FEM1C: variants seen among roughly 807,000 people sequenced by gnomAD.
The protein encoded by FEM1C is protein fem-1 homolog C.
FEM1C carries 15 observed loss-of-function variants against 37.6 expected under a neutral mutation model. The observed-to-expected ratio is 0.40, with a 90% CI of 0.27 to 0.61. The LOEUF is 0.61. FEM1C is among the 20% of genes least tolerant of loss of function. The pLI is 0.42. For synonymous variants in FEM1C, 287 were observed against 272.8 expected (o/e 1.05, Z -0.51); for missense variants, 532 against 749.7 (o/e 0.71, Z 3.39).
intron 1 of FEM1C, among the ~76,000 whole-genome samples, chr5:115,544,301 C>T (rs1180300244): frequency 6.6e-6 from 1 of 151,734 alleles, no homozygotes; most frequent in Non-Finnish European, 1.5e-5. Context: ...TTCCTCAAAC[C>T]ACAGTCGCCC....
chr5:115,524,847 T>A lies in FEM1C; in HGVS notation c.1315A>T (p.Asn439Tyr). Residue 439 changes from asparagine to tyrosine, a missense_variant, in exon 3 of 3, where the codon AAT becomes TAT. Around this residue, in one of 3 missense-constraint regions of FEM1C, gnomAD observed 237 missense variants for 260.5 expected, o/e 0.91. Transcript: ENST00000274457. ...TQCPADPLQLNKALSIILHLI... is the reference protein window; with the variant it reads ...TQCPADPLQLYKALSIILHLI... ...TGCAAAATAATAGAAAGGGCCTTAT[T>A]TAACTGTAATGGGTCAGCTGGACAC... The A allele has an allele frequency of 6.2e-7, 1 of 1,612,322 alleles. No homozygotes were observed. Among genetic ancestry groups the A allele is most frequent in the Non-Finnish European group, 8.5e-7 (1 of 1,179,362 alleles).
intron 2 of FEM1C, among the ~76,000 whole-genome samples, chr5:115,527,512 G>A (rs1033543259): frequency 6.6e-6 from 1 of 152,034 alleles, no homozygotes; most frequent in African/African-American, 2.4e-5. Flanking sequence ...GACTATCGAT[G>A]TTCATTTGTT....
intron 2 of FEM1C, among the ~76,000 whole-genome samples, chr5:115,533,179 TCTA>T (rs1754053314): frequency 6.6e-6 from 1 of 152,078 alleles, no homozygotes; most frequent in South Asian, 2.1e-4. Context: ...TAGTATTCTT[TCTA>T]CTACTAAAAT....
At chr5:115,541,847 G>A (rs10053572) in intron 2 of FEM1C, among the ~76,000 whole-genome samples, 1 of 151,846 alleles carries the variant, frequency 6.6e-6, no homozygotes, top group Non-Finnish European at 1.5e-5. Flanking sequence ...CTTGTACATA[G>A]ACAAGTATGC....
chr5:115,529,073 T>C (rs1040085791), intron 2 of FEM1C, among the ~76,000 whole-genome samples: 5 of 151,990 alleles, frequency 3.3e-5, no homozygotes, highest in African/African-American at 9.7e-5. Context: ...GTCAGAATAT[T>C]GTTAACATAC....
intron 2 of FEM1C, among the ~76,000 whole-genome samples, chr5:115,532,016 T>G (rs983968278): frequency 2.6e-5 from 4 of 152,124 alleles, no homozygotes; most frequent in African/African-American, 7.2e-5. Flanking sequence ...GATTTTCCTA[T>G]AAAGCACTTC....
At chr5:115,536,983 A>G (rs1052206610) in intron 2 of FEM1C, among the ~76,000 whole-genome samples, 1 of 152,018 alleles carries the variant, frequency 6.6e-6, no homozygotes, top group Non-Finnish European at 1.5e-5. Flanking sequence ...AAAAGCAACT[A>G]ATTATGTGTA....
chr5:115,522,222 T>C lies in FEM1C; in HGVS notation c.*2086A>G, dbSNP rs1027227037. The C allele has an allele frequency of 1.3e-5, 2 of 151,348 alleles. No individual in the cohort carries two copies. The highest frequency in any genetic ancestry group is 4.8e-5 in the African/African-American group (2 of 41,326). The allele number at this position is 151,348 out of a possible 1,614,324, so 9.4% of individuals were successfully genotyped here. A position where few individuals can be genotyped will look rare whatever the true frequency, so the allele number is the denominator to read the frequency against. ...CGAGATCAACTAATGTAATTTACTA[T>C]AATGGCAAAGTTTTCCTTTATAAAA... On this transcript the variant is annotated 3_prime_UTR_variant, in exon 3 of 3. Coordinates refer to ENST00000274457, the MANE Select transcript of FEM1C (RefSeq NM_020177.3).
At position 115,524,126 on chromosome 5, in the gene FEM1C, T is replaced by C. The variant is rs1753831332; in HGVS notation, c.*182A>G. On this transcript the variant is annotated 3_prime_UTR_variant, in exon 3 of 3. Coordinates refer to ENST00000274457, the MANE Select transcript of FEM1C (RefSeq NM_020177.3). ...AATTCACAAACAATATATTATATGG[T>C]ATATTTATATTAAATATTGGGAAAC... The C allele has an allele frequency of 1.8e-6, 1 of 569,924 alleles. No individual in the cohort carries two copies. The highest frequency in any genetic ancestry group is 2.3e-5 in the South Asian group (1 of 42,794). The allele number at this position is 569,924 out of a possible 1,614,324, so 35.3% of individuals were successfully genotyped here. A position where few individuals can be genotyped will look rare whatever the true frequency, so the allele number is the denominator to read the frequency against.
At chr5:115,526,628 G>A (rs566672325) in intron 2 of FEM1C, among the ~76,000 whole-genome samples, 3 of 152,210 alleles carry the variant, frequency 2.0e-5, no homozygotes, top group South Asian at 2.1e-4. Flanking sequence ...TTATCATGCC[G>A]ACCTCTGGTA....
At chr5:115,544,154 C>CA (rs1309468478) in intron 1 of FEM1C, 1 of 985,260 alleles carries the variant, frequency 1.0e-6, no homozygotes, top group Admixed American at 6.1e-5. Flanking sequence ...CGGCTAAGGC[C>CA]AAAACTGTGC....
In FEM1C at chr5:115,524,331, T is replaced by G; in HGVS notation, c.1831A>C (p.Thr611Pro). ...TATCATCTATGAAGGGAAACAAAAGTCTCTAGCTTTTCTGGGATATGCCCT... is the reference window on the plus strand; with the variant it reads ...TATCATCTATGAAGGGAAACAAAAGGCTCTAGCTTTTCTGGGATATGCCCT... ...YKGHIPEKLE[T>P]FVSLHR The change falls in exon 3 of 3, where the codon ACT becomes CCT. Residue 611 changes from threonine to proline, a missense_variant. Transcript: ENST00000274457. 1 of 1,613,140 alleles carries G rather than the reference T, an allele frequency of 6.2e-7. No individual in the cohort carries two copies. Among genetic ancestry groups the G allele is most frequent in the Non-Finnish European group, 8.5e-7 (1 of 1,179,508 alleles).
At chr5:115,544,281 G>C (rs1754309879) in intron 1 of FEM1C, among the ~76,000 whole-genome samples, 1 of 147,678 alleles carries the variant, frequency 6.8e-6, no homozygotes, top group East Asian at 2.0e-4. Context: ...GCCAAGGGAT[G>C]ATCCGCAGGT....
In FEM1C at chr5:115,543,342, T is replaced by C. The variant is rs771051449; in HGVS notation, c.152A>G (p.Tyr51Cys). 2 of 1,614,196 alleles carry C rather than the reference T, an allele frequency of 1.2e-6. No homozygotes were observed. The highest frequency in any genetic ancestry group is 1.1e-5 in the South Asian group (1 of 91,080). Residue 51 changes from tyrosine (Y) to cysteine (C), a missense_variant, in exon 2 of 3, where the codon TAT (tyrosine) becomes TGT (cysteine). By Grantham distance (194) the Tyr-to-Cys change is radical (BLOSUM62 -2). Around this residue, in one of 3 missense-constraint regions of FEM1C, gnomAD observed 74 missense variants for 85.0 expected, o/e 0.87. Transcript: ENST00000274457. ...GAATTCCACCATGTCAAGGTGCCCA[T>C]ACCTGGCGGCCATCAAGAGTGGCGT... ...GATPLLMAARYGHLDMVEFLL... is the reference protein window; with the variant it reads ...GATPLLMAARCGHLDMVEFLL...
At chr5:115,531,249 C>T (rs115194484) in intron 2 of FEM1C, among the ~76,000 whole-genome samples, 1 of 152,084 alleles carries the variant, frequency 6.6e-6, no homozygotes, top group Admixed American at 6.6e-5. Context: ...AATAGAACTT[C>T]AACCAATCAC....
chr5:115,533,096 T>C (rs1754051747), intron 2 of FEM1C, among the ~76,000 whole-genome samples: 1 of 151,956 alleles, frequency 6.6e-6, no homozygotes, highest in Admixed American at 6.6e-5. Context: ...GAATCACAAA[T>C]GTGTGATGGC....
chr5:115,542,410 A>G (rs1175470514), intron 2 of FEM1C, among the ~76,000 whole-genome samples: 3 of 152,360 alleles, frequency 2.0e-5, no homozygotes, highest in Admixed American at 1.3e-4. Context: ...AAACAAATAT[A>G]GAATAAGGGA....
intron 2 of FEM1C, among the ~76,000 whole-genome samples, chr5:115,530,737 A>G (rs1052452100): frequency 6.6e-6 from 1 of 152,168 alleles, no homozygotes; most frequent in Admixed American, 6.6e-5. Flanking sequence ...AAACCTGTCT[A>G]TTTGAATTTT....
intron 2 of FEM1C, among the ~76,000 whole-genome samples, chr5:115,540,498 A>G (rs1293475379): frequency 3.3e-5 from 5 of 151,908 alleles, no homozygotes; most frequent in Non-Finnish European, 5.9e-5. Context: ...GATACTGGGG[A>G]AAAAAATGAC....
Sources: allele counts gnomAD v4.1 joint callset (sites outside exome capture counted in the v4.1 genomes callset), GRCh38; gene constraint gnomAD v4.1.1; regional missense constraint gnomAD v4.1.1; transcripts MANE v1.5; gene names NCBI Gene and HGNC (gene_info 2026-07-23, HGNC 2026-07-21).